Variants in TTI1 observed in about 807,000 individuals in gnomAD.
TTI1 encodes TELO2 interacting protein 1.
TTI1 carries 52 observed loss-of-function variants against 85.4 expected under a neutral mutation model. The ratio of observed to expected loss-of-function variants is 0.61; its 90% confidence interval spans 0.49 to 0.77. The LOEUF is 0.77. Among genes scored for constraint, TTI1 ranks in the 30% least tolerant of loss-of-function variants. The probability of loss-of-function intolerance (pLI) is 0.00; values close to 1 mark genes in which losing one functional copy is unlikely to be tolerated. For missense variants in TTI1, 1,173 were observed against 1,296.0 expected (o/e 0.91, Z 1.46); for synonymous variants, 512 against 503.9 (o/e 1.02, Z -0.22).
intron 1 of TTI1, among the ~76,000 whole-genome samples, chr20:38,022,139 G>T (rs1371309967): frequency 1.3e-5 from 2 of 152,178 alleles, no homozygotes; most frequent in Non-Finnish European, 2.9e-5. Context: ...AGACAGAGAT[G>T]CCATTGTGGC....
At chr20:38,030,102 A>G (rs1216424398) in intron 1 of TTI1, among the ~76,000 whole-genome samples, 1 of 152,204 alleles carries the variant, frequency 6.6e-6, no homozygotes, top group Non-Finnish European at 1.5e-5. Context: ...TGAAGTGGTT[A>G]ATTCCTCAAA....
intron 7 of TTI1, among the ~76,000 whole-genome samples, chr20:37,984,661 C>A (rs140561336): frequency 2.7e-4 from 41 of 152,302 alleles, no homozygotes; most frequent in Non-Finnish European, 5.6e-4. Flanking sequence ...GCTCCCCATG[C>A]CATTTTGCCC....
Position 38,006,964 on chromosome 20 carries a change from T to G in TTI1, c.2303-567A>C, listed in dbSNP as rs141715022. On this transcript the variant is annotated intron_variant, in intron 2 of 7. Coordinates refer to ENST00000373447, the MANE Select transcript of TTI1 (RefSeq NM_001303457.2). ...AACTCAGCTCTAACTGCAATCATTT[T>G]TGTATGACAGGGTTCCACAAAGACT... Among the ~76,000 whole-genome samples, 1,215 of 152,356 alleles carry G rather than the reference T, an allele frequency of 8.0e-3. 6 individuals carry two copies. The highest frequency in any genetic ancestry group is 0.023 in the African/African-American group (949 of 41,580).
In TTI1 at chr20:37,999,334, A is replaced by T; in HGVS notation, c.2653-6T>A. 1 of 1,404,714 alleles carries T rather than the reference A, an allele frequency of 7.1e-7. No homozygotes were observed. Among genetic ancestry groups the T allele is most frequent in the Non-Finnish European group, 9.3e-7 (1 of 1,070,144 alleles). The allele number at this position is 1,404,714 out of a possible 1,614,324, so 87.0% of individuals were successfully genotyped here. ...AGATCCAGCACATCCAAGACCTGAA[A>T]GAGACACGATTTCAGCAGATGGTAT... On this transcript the variant is annotated splice_region_variant and splice_polypyrimidine_tract_variant and intron_variant, in intron 4 of 7. Coordinates refer to ENST00000373447, the MANE Select transcript of TTI1 (RefSeq NM_001303457.2).
intron 1 of TTI1, among the ~76,000 whole-genome samples, chr20:38,030,226 G>C (rs547264589): frequency 6.7e-6 from 1 of 149,778 alleles, no homozygotes; most frequent in South Asian, 2.1e-4. Context: ...GGAAGGGAGG[G>C]AGGGAGGAGG....
At chr20:38,029,449 G>A (rs1403643288) in intron 1 of TTI1, among the ~76,000 whole-genome samples, 1 of 151,862 alleles carries the variant, frequency 6.6e-6, no homozygotes, top group Admixed American at 6.6e-5. Context: ...ATAAGGAGCA[G>A]AAACTGACAA....
chr20:38,029,040 CA>C (rs2073871647), intron 1 of TTI1, among the ~76,000 whole-genome samples: 1 of 152,006 alleles, frequency 6.6e-6, no homozygotes, highest in Non-Finnish European at 1.5e-5. Flanking sequence ...GAACATAAGA[CA>C]GATGATTATC....
At chr20:38,026,496 A>T (rs1306663042) in intron 1 of TTI1, among the ~76,000 whole-genome samples, 7 of 152,166 alleles carry the variant, frequency 4.6e-5, no homozygotes, top group African/African-American at 1.7e-4. Flanking sequence ...ATCAGAAACC[A>T]TGTAGGCCAG....
intron 1 of TTI1, among the ~76,000 whole-genome samples, chr20:38,014,568 G>T (rs2073653727): frequency 6.6e-6 from 1 of 152,138 alleles, no homozygotes; most frequent in African/African-American, 2.4e-5. Flanking sequence ...TCAGAACTGG[G>T]TGAGACTGAC....
In TTI1 at chr20:37,983,310, T is replaced by C; in HGVS notation, c.*146A>G. 1.4e-6 allele frequency: 1 copy of C among 732,224 alleles called. No homozygotes were observed. The highest frequency in any genetic ancestry group is 1.9e-5 in the South Asian group (1 of 53,016). The allele number at this position is 732,224 out of a possible 1,614,324, so 45.4% of individuals were successfully genotyped here. On this transcript the variant is annotated 3_prime_UTR_variant, in exon 8 of 8. Transcript: ENST00000373447. ...CCTTCAATCCATTTCTAAGCAGTTG[T>C]GTGATCGATCAATTTATAAATCGAT...
chr20:38,001,965 C>T (rs576481943), intron 4 of TTI1, among the ~76,000 whole-genome samples: 1 of 152,196 alleles, frequency 6.6e-6, no homozygotes, highest in Non-Finnish European at 1.5e-5. Flanking sequence ...GATCCGCCCA[C>T]CTCAGCTTCC....
In TTI1 at chr20:38,012,036, G is replaced by T; in HGVS notation, c.1781C>A (p.Ala594Asp). Residue 594 changes from alanine to aspartate, a missense_variant, in exon 2 of 8, where the codon GCC (alanine) becomes GAC (aspartate). Coordinates refer to ENST00000373447, the MANE Select transcript of TTI1 (RefSeq NM_001303457.2). ...GCAGGTGTGTTCACCAGACGTGATGGCTTGGAGGCCTGGGTGCTCCATCAT... is the reference window on the plus strand; with the variant it reads ...GCAGGTGTGTTCACCAGACGTGATGTCTTGGAGGCCTGGGTGCTCCATCAT... ...ELMMEHPGLQ[A>D]ITSGEHTCQV... 1 of 1,614,236 alleles carries T rather than the reference G, an allele frequency of 6.2e-7. No homozygotes were observed.
intron 3 of TTI1, among the ~76,000 whole-genome samples, chr20:38,003,238 C>T (rs1057270566): frequency 6.6e-6 from 1 of 152,160 alleles, no homozygotes; most frequent in Non-Finnish European, 1.5e-5. Context: ...GCTGGGATTA[C>T]AGGTATGAGC....
chr20:37,988,020 T>C (rs1215798442), intron 7 of TTI1, among the ~76,000 whole-genome samples: 1 of 152,176 alleles, frequency 6.6e-6, no homozygotes, highest in East Asian at 1.9e-4. Flanking sequence ...TCATGGTTTA[T>C]CAAACGTTTA....
chr20:38,019,784 G>T (rs2073737601), intron 1 of TTI1, among the ~76,000 whole-genome samples: 1 of 152,204 alleles, frequency 6.6e-6, no homozygotes, highest in Admixed American at 6.5e-5. Context: ...CTTGTTGGTG[G>T]AGGGCTGTCT....
chr20:38,027,338 T>C (rs1027866891), intron 1 of TTI1, among the ~76,000 whole-genome samples: 2 of 152,208 alleles, frequency 1.3e-5, no homozygotes, highest in East Asian at 1.9e-4. Flanking sequence ...TGTTACACTA[T>C]ATTGTTTTAA....
chr20:37,984,605 A>C (rs897970865), intron 7 of TTI1, among the ~76,000 whole-genome samples: 1 of 152,186 alleles, frequency 6.6e-6, no homozygotes, highest in African/African-American at 2.4e-5. Context: ...AGGGCCTCCC[A>C]GCCAGTCTGC....
At chr20:38,016,432 CCT>C (rs2073683508) in intron 1 of TTI1, among the ~76,000 whole-genome samples, 1 of 152,142 alleles carries the variant, frequency 6.6e-6, no homozygotes, top group African/African-American at 2.4e-5. Context: ...GGGTCCGCCC[CCT>C]GACAGGGTGG....
chr20:37,983,388 T>A lies in TTI1; in HGVS notation c.*68A>T. Reference sequence around the variant, plus strand: ...CCGCTGCCACCGCCTATGGCCGGGGTGGGGTCAGCCCAGCTTCTGGCTGGC... The same window carrying A: ...CCGCTGCCACCGCCTATGGCCGGGGAGGGGTCAGCCCAGCTTCTGGCTGGC... On this transcript the variant is annotated 3_prime_UTR_variant, in exon 8 of 8. Transcript: ENST00000373447. 6.6e-7 allele frequency: 1 copy of A among 1,518,100 alleles called. No individual in the cohort carries two copies. The highest frequency in any genetic ancestry group is 8.9e-7 in the Non-Finnish European group (1 of 1,129,054). 94.0% of individuals were successfully genotyped at this position (1,518,100 alleles called of 1,614,324 possible). A position where few individuals can be genotyped will look rare whatever the true frequency, so the allele number is the denominator to read the frequency against.
Sources: gnomAD v4.1 joint callset for allele counts (sites outside exome capture counted in the v4.1 genomes callset) on GRCh38, gnomAD v4.1.1 for gene constraint, MANE v1.5 for transcripts, NCBI Gene and HGNC (gene_info 2026-07-23, HGNC 2026-07-21) for gene names.